Variants in SMS observed in about 807,000 individuals in gnomAD.
SMS encodes spermine synthase, also known as spermidine aminopropyltransferase.
In SMS, 3 loss-of-function variants were observed where a neutral mutation model predicts 33.0. The ratio of observed to expected loss-of-function variants is 0.09; its 90% CI spans 0.04 to 0.23. SMS has a LOEUF of 0.23. SMS is among the 10% of genes least tolerant of loss of function. The probability of loss-of-function intolerance (pLI) is 1.00; values close to 1 mark genes in which losing one functional copy is unlikely to be tolerated. For synonymous variants in SMS, 103 were observed against 112.2 expected, an observed-to-expected ratio of 0.92 and a Z score of 0.52; for missense variants, 117 against 288.6, an observed-to-expected ratio of 0.41 and a Z score of 4.31.
chrX:21,957,096 C>T (rs1291772801), intron 1 of SMS, among the ~76,000 whole-genome samples: 4 of 109,863 alleles, frequency 3.6e-5, no homozygotes, highest in African/African-American at 1.3e-4. Flanking sequence ...ATGCGTGTTG[C>T]ATCTGAGCCC....
intron 1 of SMS, among the ~76,000 whole-genome samples, chrX:21,957,366 G>A (rs1216808170): frequency 9.2e-6 from 1 of 109,223 alleles, no homozygotes; most frequent in African/African-American, 3.3e-5. Context: ...GCACCGTCTC[G>A]GCTCACTGCA....
At chrX:21,944,376 C>G (rs1431822286) in intron 1 of SMS, among the ~76,000 whole-genome samples, 5 of 109,935 alleles carry the variant, frequency 4.5e-5, no homozygotes, top group Non-Finnish European at 7.6e-5. Flanking sequence ...GCCCTATGTG[C>G]TAGGCAGGAT....
At chrX:21,956,759 T>C (rs758165569) in intron 1 of SMS, among the ~76,000 whole-genome samples, 4 of 111,962 alleles carry the variant, frequency 3.6e-5, no homozygotes, top group Admixed American at 1.9e-4. Context: ...TGAGCCACCG[T>C]GCCCGGTGTA....
chrX:21,967,330 A>G lies in SMS; in HGVS notation c.170+14A>G. On this transcript the variant is annotated intron_variant, in intron 2 of 10. Transcript: ENST00000404933. ...CAAGAACGGCAGGTGAGCAGTCTCC[A>G]GTGCTGTTCTTCATACCTGGTCACT... 8.3e-7 allele frequency: 1 copy of G among 1,207,679 alleles called. No homozygotes were observed. The highest frequency in any genetic ancestry group is 1.8e-5 in the South Asian group (1 of 56,902).
At chrX:21,955,392 C>G (rs920037201) in intron 1 of SMS, among the ~76,000 whole-genome samples, 3 of 112,103 alleles carry the variant, frequency 2.7e-5, no homozygotes, top group Non-Finnish European at 5.6e-5. Context: ...TCAGCCTGCC[C>G]CTCTGTGATG....
At chrX:21,941,591 A>T (rs1921781258) in intron 1 of SMS, among the ~76,000 whole-genome samples, 1 of 110,357 alleles carries the variant, frequency 9.1e-6, no homozygotes, top group Non-Finnish European at 1.9e-5. Flanking sequence ...TCGGGGAGCT[A>T]TCAAAAGACA....
intron 1 of SMS, among the ~76,000 whole-genome samples, chrX:21,942,380 T>C (rs1168567252): frequency 9.0e-6 from 1 of 110,735 alleles, no homozygotes; most frequent in Non-Finnish European, 1.9e-5. Context: ...CTTGGGTTTA[T>C]GTTAACCTTT....
At chrX:21,968,206 G>T (rs997982132) in intron 2 of SMS, among the ~76,000 whole-genome samples, 1 of 112,811 alleles carries the variant, frequency 8.9e-6, no homozygotes, top group Admixed American at 9.3e-5. Context: ...GGGGCAGCCC[G>T]AACAGAGCCT....
intron 9 of SMS, among the ~76,000 whole-genome samples, chrX:21,989,588 A>T (rs1925617843): frequency 1.8e-5 from 2 of 112,047 alleles, no homozygotes. Flanking sequence ...CTTCATGCTA[A>T]CCACTTCCCC....
chrX:21,959,680 C>G (rs1326869594), intron 1 of SMS, among the ~76,000 whole-genome samples: 6 of 112,626 alleles, frequency 5.3e-5, no homozygotes, highest in African/African-American at 1.9e-4. Flanking sequence ...GATTGGAATC[C>G]AGTTTCCTTT....
intron 4 of SMS, among the ~76,000 whole-genome samples, chrX:21,976,565 A>C (rs5951490): frequency 0.47 from 50,388 of 106,318 alleles, 11,336 homozygotes; most frequent in African/African-American, 0.88. Flanking sequence ...AAAAAAAATT[A>C]TACGTTACAT....
chrX:21,979,563 A>G (rs1364440601), intron 7 of SMS, among the ~76,000 whole-genome samples: 2 of 111,379 alleles, frequency 1.8e-5, no homozygotes, highest in East Asian at 2.8e-4. Context: ...ATAGTATTCC[A>G]TGGCATATAT....
rs956420889 is a variant in SMS, at chrX:21,986,729, C to T, written c.945+1506C>T. On this transcript the variant is annotated intron_variant, in intron 9 of 10. Coordinates refer to ENST00000404933, the MANE Select transcript of SMS (RefSeq NM_004595.5). ...GGATATAACTATTTAAAGCAGGAGT[C>T]TGCAAACATTGGGCCAAATCTGGCC... Among the ~76,000 whole-genome samples the T allele has an allele frequency of 3.6e-5, 4 of 112,423 alleles. 1 individual carries two copies. In the South Asian group the frequency reaches 1.4e-3, roughly 41 times the overall value.
intron 1 of SMS, among the ~76,000 whole-genome samples, chrX:21,955,181 C>G (rs1032120362): frequency 2.7e-4 from 30 of 112,241 alleles, no homozygotes; most frequent in Non-Finnish European, 5.6e-5. Context: ...GTAAGGGATT[C>G]TGCCCGGTTA....
At position 21,944,852 on chromosome X, in the gene SMS, G is replaced by A. The variant is rs149906480; in HGVS notation, c.49+3979G>A. On this transcript the variant is annotated intron_variant, in intron 1 of 10. Transcript: ENST00000404933. ...AATCAGCCGGGTGTTGGTGGCCTGT[G>A]TCTGTAGTCCCAGCTACTCTGGAGG... Among the ~76,000 whole-genome samples, 473 of 110,952 alleles carry A rather than the reference G, an allele frequency of 4.3e-3. 8 individuals are homozygous for A. The highest frequency in any genetic ancestry group is 5.2e-3 in the Non-Finnish European group (277 of 52,938).
intron 9 of SMS, among the ~76,000 whole-genome samples, chrX:21,989,288 A>G (rs1433753417): frequency 1.8e-5 from 2 of 110,874 alleles, no homozygotes; most frequent in African/African-American, 3.3e-5. Context: ...AACAAAAGCA[A>G]ATGTCACCTG....
At chrX:21,972,769 C>T (rs1239068608) in intron 4 of SMS, among the ~76,000 whole-genome samples, 198 bp downstream of exon 4, 1 of 109,288 alleles carries the variant, frequency 9.2e-6, no homozygotes, top group Admixed American at 9.8e-5. Context: ...ATTAGCTGGA[C>T]GTGGTAGTGC....
intron 4 of SMS, among the ~76,000 whole-genome samples, chrX:21,974,244 AG>A (rs1924393113): frequency 8.9e-6 from 1 of 112,619 alleles, no homozygotes; most frequent in African/African-American, 3.2e-5. Flanking sequence ...AGCAGATGTA[AG>A]ATAACTAGGT....
Position 21,984,359 on chromosome X carries a change from A to G in SMS, c.806A>G (p.Glu269Gly). The change falls in exon 8 of 11, where the codon GAA (glutamate) becomes GGA (glycine). Residue 269 changes from glutamate to glycine, a missense_variant. Physicochemically the swap from Glu to Gly is moderately conservative, Grantham distance 98. Transcript: ENST00000404933. ...VLKRYAKEGREFDYVINDLTA... is the reference protein window; with the variant it reads ...VLKRYAKEGRGFDYVINDLTA... ...AAGAGGTACGCCAAAGAAGGGAGAG[A>G]ATTTGATTATGTGATTAATGATTTG... 8.3e-7 allele frequency: 1 copy of G among 1,200,418 alleles called. No homozygotes were observed. Among genetic ancestry groups the G allele is most frequent in the Non-Finnish European group, 1.1e-6 (1 of 885,304 alleles).
Sources: allele counts gnomAD v4.1 joint callset (sites outside exome capture counted in the v4.1 genomes callset), GRCh38; gene constraint gnomAD v4.1.1; transcripts MANE v1.5; gene names NCBI Gene and HGNC (gene_info 2026-07-23, HGNC 2026-07-21).